Variants in MACROD2 observed in about 807,000 individuals in gnomAD.
MACROD2 encodes ADP-ribose glycohydrolase MACROD2.
Under a neutral mutation model 70.4 loss-of-function variants are expected in MACROD2, and 36 were observed. That is an observed-to-expected ratio of 0.51 (90% CI 0.39 to 0.68). MACROD2 has a LOEUF of 0.68. Ranked by LOEUF, MACROD2 falls within the 30% of genes least tolerant of loss-of-function variation. MACROD2 has a pLI of 0.00. For missense variants in MACROD2, 496 were observed against 538.4 expected (o/e 0.92, Z 0.78); for synonymous variants, 172 against 178.8 (o/e 0.96, Z 0.30).
At chr20:15,865,511 C>T (rs2064480066) in intron 9 of MACROD2, among the ~76,000 whole-genome samples, 1 of 152,086 alleles carries the variant, frequency 6.6e-6, no homozygotes, top group South Asian at 2.1e-4. Context: ...AAAGGAGGCA[C>T]CGTATTAACC....
intron 8 of MACROD2, among the ~76,000 whole-genome samples, chr20:15,789,993 C>T (rs1285309896): frequency 1.3e-5 from 2 of 151,846 alleles, no homozygotes; most frequent in Non-Finnish European, 2.9e-5. Flanking sequence ...AAATGGTTTT[C>T]AAAGGGAGAA....
intron 4 of MACROD2, among the ~76,000 whole-genome samples, chr20:14,629,812 C>G (rs956619903): frequency 1.4e-4 from 21 of 152,150 alleles, no homozygotes; most frequent in African/African-American, 4.8e-4. Flanking sequence ...ACCCTGGTCT[C>G]TTTTTATTTC....
In MACROD2 at chr20:16,009,808, G is replaced by A. The variant is rs143244522; in HGVS notation, c.1153+22650G>A. ...ATATGGAGCAGGAGACAGAAACACC[G>A]CCTCCTGCCTTGCTCTGTAACATTC... is the stretch of plus-strand genomic sequence containing the variant. On this transcript the variant is annotated intron_variant, in intron 15 of 17. Coordinates refer to ENST00000684519, the MANE Select transcript of MACROD2 (RefSeq NM_001351661.2). 5.9e-5 allele frequency among the ~76,000 whole-genome samples: 9 copies of A among 151,984 alleles called. No individual in the cohort carries two copies. The South Asian group carries it at 6.3e-4, about 11-fold the overall frequency.
intron 5 of MACROD2, among the ~76,000 whole-genome samples, chr20:14,980,732 T>C (rs2074789386): frequency 1.3e-5 from 2 of 152,292 alleles, no homozygotes; most frequent in African/African-American, 4.8e-5. Flanking sequence ...GCCATTTTTA[T>C]TGACCATGGT....
intron 2 of MACROD2, among the ~76,000 whole-genome samples, chr20:14,080,564 C>G (rs1463941011): frequency 6.6e-6 from 1 of 151,024 alleles, no homozygotes; most frequent in African/African-American, 2.4e-5. Flanking sequence ...CAGGCCAAAT[C>G]TAATGAGACC....
intron 4 of MACROD2, among the ~76,000 whole-genome samples, chr20:14,550,400 T>C (rs528268037): frequency 5.6e-4 from 86 of 152,244 alleles, no homozygotes; most frequent in African/African-American, 1.9e-3. Context: ...GAAATCCTAA[T>C]ACCCTATGTG....
intron 8 of MACROD2, among the ~76,000 whole-genome samples, chr20:15,722,287 C>T (rs928578250): frequency 1.3e-5 from 2 of 152,112 alleles, no homozygotes; most frequent in Non-Finnish European, 2.9e-5. Flanking sequence ...TAGACATCTT[C>T]AGTTTTGCTA....
chr20:14,985,809 C>T lies in MACROD2; in HGVS notation c.419-244131C>T, dbSNP rs142217647. ...TTTTTTAGAGATATGGGGCCAGGGTCGGGGGCAGGGAAGGAAGGGAAGTCT... is the reference window on the plus strand; with the variant it reads ...TTTTTTAGAGATATGGGGCCAGGGTTGGGGGCAGGGAAGGAAGGGAAGTCT... On this transcript the variant is annotated intron_variant, in intron 5 of 17. Transcript: ENST00000684519. 7.9e-3 allele frequency among the ~76,000 whole-genome samples: 1,140 copies of T among 145,118 alleles called. 19 individuals carry two copies. The highest frequency in any genetic ancestry group is 0.028 in the African/African-American group (1,085 of 39,062).
chr20:15,965,434 T>A (rs2066126326), intron 12 of MACROD2, among the ~76,000 whole-genome samples: 1 of 152,102 alleles, frequency 6.6e-6, no homozygotes. Context: ...TCTTATGTAA[T>A]ATTTGGGCAG....
At chr20:15,916,300 G>A (rs1601125063) in intron 10 of MACROD2, among the ~76,000 whole-genome samples, 1 of 152,198 alleles carries the variant, frequency 6.6e-6, no homozygotes. Context: ...CTCATGAGAT[G>A]GCAGCTGGCT....
At chr20:15,832,215 T>C (rs1257267711) in intron 8 of MACROD2, among the ~76,000 whole-genome samples, 1 of 152,182 alleles carries the variant, frequency 6.6e-6, no homozygotes, top group African/African-American at 2.4e-5. Context: ...TCTCTCTGCG[T>C]GTGTGGCATG....
At chr20:15,876,690 C>G (rs983470093) in intron 9 of MACROD2, among the ~76,000 whole-genome samples, 2 of 152,192 alleles carry the variant, frequency 1.3e-5, no homozygotes, top group African/African-American at 4.8e-5. Flanking sequence ...AGTCGCCACA[C>G]TGTCTTCCAC....
chr20:15,872,854 T>G (rs1312825454), intron 9 of MACROD2, among the ~76,000 whole-genome samples: 2 of 152,132 alleles, frequency 1.3e-5, no homozygotes, highest in Non-Finnish European at 2.9e-5. Flanking sequence ...TCTTTAGAAA[T>G]GGAAAATGCA....
intron 3 of MACROD2, among the ~76,000 whole-genome samples, chr20:14,451,306 G>A (rs6110294): frequency 0.3 from 44,860 of 151,972 alleles, 7,741 homozygotes; most frequent in South Asian, 0.59. Context: ...AAAATTAGCC[G>A]GGCGTGGTGG....
intron 6 of MACROD2, among the ~76,000 whole-genome samples, chr20:15,415,694 G>T (rs6043264): frequency 6.6e-6 from 1 of 152,016 alleles, no homozygotes; most frequent in African/African-American, 2.4e-5. Context: ...AACTAGTGGC[G>T]GCTAAAAGTA....
chr20:14,509,486 G>A (rs1458817168), intron 4 of MACROD2, among the ~76,000 whole-genome samples: 2 of 152,018 alleles, frequency 1.3e-5, no homozygotes, highest in East Asian at 3.8e-4. Flanking sequence ...AAAAGAATAA[G>A]TATATGATGA....
chr20:15,540,873 G>GTGT (rs1046857977), intron 8 of MACROD2, among the ~76,000 whole-genome samples: 49 of 152,230 alleles, frequency 3.2e-4, no homozygotes, highest in African/African-American at 1.1e-3. Flanking sequence ...AGTTCTCCCT[G>GTGT]TGTGCACATC....
At chr20:15,904,362 A>G (rs1429591260) in intron 10 of MACROD2, among the ~76,000 whole-genome samples, 1 of 152,166 alleles carries the variant, frequency 6.6e-6, no homozygotes, top group Non-Finnish European at 1.5e-5. Flanking sequence ...AGGCACAAAG[A>G]AAAATCTCCT....
At chr20:14,340,263 G>T (rs2082999529) in intron 3 of MACROD2, among the ~76,000 whole-genome samples, 1 of 152,152 alleles carries the variant, frequency 6.6e-6, no homozygotes, top group African/African-American at 2.4e-5. Context: ...TTAAGAACAT[G>T]GGCTTCAGAG....
Sources: gnomAD v4.1 joint callset for allele counts (sites outside exome capture counted in the v4.1 genomes callset) on GRCh38, gnomAD v4.1.1 for gene constraint, MANE v1.5 for transcripts, NCBI Gene and HGNC (gene_info 2026-07-23, HGNC 2026-07-21) for gene names.